Variants in PRR16 observed in about 807,000 individuals in gnomAD.
The protein encoded by PRR16 is protein Largen.
A neutral mutation model predicts 18.2 loss-of-function variants in PRR16; 6 were observed. The observed-to-expected ratio is 0.33, with a 90% CI of 0.18 to 0.65. The LOEUF (loss-of-function observed/expected upper bound fraction) is 0.65. Among genes scored for constraint, PRR16 ranks in the 30% least tolerant of loss-of-function variants. The pLI, the probability that PRR16 is intolerant of heterozygous loss-of-function variation, is 0.74. For missense variants in PRR16, 412 were observed against 376.6 expected, an observed-to-expected ratio of 1.09 and a Z score of -0.78; for synonymous variants, 151 against 147.8, an observed-to-expected ratio of 1.02 and a Z score of -0.16.
intron 1 of PRR16, among the ~76,000 whole-genome samples, chr5:120,535,968 AGAAAT>A (rs1751704676): frequency 1.3e-5 from 2 of 152,208 alleles, no homozygotes; most frequent in African/African-American, 4.8e-5. Context: ...TTATTTAAAA[AGAAAT>A]GAACACTTAT....
intron 1 of PRR16, among the ~76,000 whole-genome samples, chr5:120,631,669 C>A (rs1008628671): frequency 6.6e-6 from 1 of 152,084 alleles, no homozygotes; most frequent in Non-Finnish European, 1.5e-5. Flanking sequence ...CCCACAACAG[C>A]CAAAGCAAGC....
At chr5:120,749,242 C>G in the PRR16 span, among the ~76,000 whole-genome samples, 1 of 151,960 alleles carries the variant, frequency 6.6e-6, no homozygotes, top group African/African-American at 2.4e-5. Flanking sequence ...CATAAACATT[C>G]TTAGTTCTCT....
At chr5:120,689,186 C>G (rs150361975), downstream of PRR16, among the ~76,000 whole-genome samples, 2 of 152,124 alleles carry the variant, frequency 1.3e-5, no homozygotes, top group African/African-American at 4.8e-5. Context: ...TTTATTTACT[C>G]CATGCTATTT....
At chr5:120,535,076 C>CGTGTGTGT (rs34220996) in intron 1 of PRR16, among the ~76,000 whole-genome samples, 1,875 of 146,394 alleles carry the variant, frequency 0.013, 27 homozygotes, top group African/African-American at 0.044. Flanking sequence ...TCACTTTACA[C>CGTGTGTGT]GTGTGTGTGT....
the PRR16 span, among the ~76,000 whole-genome samples, chr5:120,787,553 T>C: frequency 1.3e-5 from 2 of 152,282 alleles, no homozygotes; most frequent in African/African-American, 4.8e-5. Context: ...ATAAGATACC[T>C]AAAAATTTGG....
At chr5:120,478,121 T>A (rs533705729) in intron 1 of PRR16, among the ~76,000 whole-genome samples, 20 of 152,310 alleles carry the variant, frequency 1.3e-4, no homozygotes, top group African/African-American at 4.3e-4. Context: ...GTGGCTGGCA[T>A]GTAGTAGATG....
At chr5:120,568,019 A>G (rs952306398) in intron 1 of PRR16, among the ~76,000 whole-genome samples, 1 of 152,212 alleles carries the variant, frequency 6.6e-6, no homozygotes, top group Admixed American at 6.5e-5. Flanking sequence ...TCTATATGAT[A>G]TGACTGCATT....
chr5:120,790,347 T>C, the PRR16 span: 1 of 152,194 alleles, frequency 6.6e-6, no homozygotes, highest in South Asian at 2.1e-4. Context: ...ACAAAATTAA[T>C]ATTAAGCAAT....
At chr5:120,496,398 A>G (rs973911754) in intron 1 of PRR16, among the ~76,000 whole-genome samples, 6 of 152,116 alleles carry the variant, frequency 3.9e-5, no homozygotes, top group African/African-American at 1.4e-4. Context: ...TTATAGAGTT[A>G]TTCAAATTAT....
At chr5:120,503,215 G>A (rs1224839287) in intron 1 of PRR16, among the ~76,000 whole-genome samples, 1 of 151,978 alleles carries the variant, frequency 6.6e-6, no homozygotes, top group Non-Finnish European at 1.5e-5. Flanking sequence ...AGACTCTAGG[G>A]CCTAAATTTC....
chr5:120,531,423 G>A (rs973916132), intron 1 of PRR16: 2 of 152,108 alleles, frequency 1.3e-5, no homozygotes, highest in African/African-American at 2.4e-5. Context: ...ACAGCCAGGG[G>A]TCATTGTGAC....
At chr5:120,696,005 G>A in the PRR16 span, among the ~76,000 whole-genome samples, 2 of 152,088 alleles carry the variant, frequency 1.3e-5, no homozygotes, top group African/African-American at 4.8e-5. Context: ...CACGTTGGGA[G>A]GCCAAGGTGG....
In PRR16 at chr5:120,685,999, G is replaced by A. The variant is rs1209094393; in HGVS notation, c.205G>A (p.Asp69Asn). The change falls in exon 2 of 2, where the codon GAT becomes AAT. Residue 69 changes from aspartate to asparagine, a missense_variant. Transcript: ENST00000407149. ...CCTGACCTCTGACCTACAGCTGGAG[G>A]ATGAGATGACTGACAGCTCCAAAAC... ...DTLTSDLQLE[D>N]EMTDSSKTDT... The A allele has an allele frequency of 5.0e-6, 8 of 1,613,956 alleles. No individual in the cohort carries two copies. The highest frequency in any genetic ancestry group is 1.3e-5 in the African/African-American group (1 of 74,926).
chr5:120,704,869 ATGTG>A, the PRR16 span, among the ~76,000 whole-genome samples: 1 of 152,162 alleles, frequency 6.6e-6, no homozygotes, highest in African/African-American at 2.4e-5. Flanking sequence ...TTTTCACCAT[ATGTG>A]TAAGAGACAA....
intron 1 of PRR16, among the ~76,000 whole-genome samples, chr5:120,500,350 T>C (rs1316268008): frequency 6.6e-6 from 1 of 152,226 alleles, no homozygotes; most frequent in African/African-American, 2.4e-5. Flanking sequence ...AGTCCCTAGC[T>C]TGTCTTTCTT....
At chr5:120,634,446 C>A (rs887808650) in intron 1 of PRR16, among the ~76,000 whole-genome samples, 5 of 152,166 alleles carry the variant, frequency 3.3e-5, no homozygotes, top group African/African-American at 1.2e-4. Context: ...GAGCTCAAGA[C>A]AAGCCTGGCC....
At chr5:120,604,579 A>G (rs897075814) in intron 1 of PRR16, among the ~76,000 whole-genome samples, 3 of 152,052 alleles carry the variant, frequency 2.0e-5, no homozygotes, top group Non-Finnish European at 4.4e-5. Flanking sequence ...GAGGATTTGA[A>G]CCTGTCATCA....
chr5:120,568,099 T>C (rs17146783), intron 1 of PRR16, among the ~76,000 whole-genome samples: 14,965 of 152,266 alleles, frequency 0.098, 714 homozygotes, highest in Non-Finnish European at 0.11. Context: ...ATTTATGTGA[T>C]GATATAATTA....
chr5:120,650,790 G>T (rs986023766), intron 1 of PRR16, among the ~76,000 whole-genome samples: 6 of 152,054 alleles, frequency 3.9e-5, no homozygotes, highest in Non-Finnish European at 8.8e-5. Flanking sequence ...ATAAACATAC[G>T]TGTGCATGTG....
Sources: gnomAD v4.1 joint callset for allele counts (sites outside exome capture counted in the v4.1 genomes callset) on GRCh38, gnomAD v4.1.1 for gene constraint, MANE v1.5 for transcripts, NCBI Gene and HGNC (gene_info 2026-07-23, HGNC 2026-07-21) for gene names.